The following ITPR3 variants were observed in gnomAD, a reference collection of about 807,000 sequenced individuals.
ITPR3 encodes inositol 1,4,5-trisphosphate receptor type 3, also known as inositol 1,4,5-trisphosphate-gated calcium channel ITPR3.
A neutral mutation model predicts 293.2 loss-of-function variants in ITPR3; 173 were observed. That is an observed-to-expected ratio of 0.59 (90% CI 0.52 to 0.67). ITPR3 has a LOEUF of 0.67. Ranked by LOEUF, ITPR3 falls within the 30% of genes least tolerant of loss-of-function variation. ITPR3 has a pLI of 0.00. For synonymous variants in ITPR3, 1,295 were observed against 1,444.4 expected, an observed-to-expected ratio of 0.90 and a Z score of 2.35; for missense variants, 2,796 against 3,592.1, an observed-to-expected ratio of 0.78 and a Z score of 5.66.
At chr6:33,661,038 C>A (rs1016792899) in intron 7 of ITPR3, among the ~76,000 whole-genome samples, 1 of 152,226 alleles carries the variant, frequency 6.6e-6, no homozygotes, top group Admixed American at 6.5e-5. Context: ...CGTCATGGCT[C>A]CGTGGTTCCA....
chr6:33,671,306 G>A lies in ITPR3; in HGVS notation c.2728G>A (p.Gly910Ser). Reference sequence around the variant, plus strand: ...GCTGCAGGCCTATGAGGACCCCGGTGGTGAGGCCTTTGCCCGGCTCGGGCC... The same window carrying A: ...GCTGCAGGCCTATGAGGACCCCGGTAGTGAGGCCTTTGCCCGGCTCGGGCC... ...AMLQAYEDPG[G>S]KNVRRSIQGV... The change falls in exon 21 of 58, where the codon GGC (glycine) becomes AGC (serine). Residue 910 changes from glycine (G) to serine (S), a missense_variant and splice_region_variant. Transcript: ENST00000605930. 1 of 1,610,664 alleles carries A rather than the reference G, an allele frequency of 6.2e-7. No individual in the cohort carries two copies. Among genetic ancestry groups the A allele is most frequent in the Non-Finnish European group, 8.5e-7 (1 of 1,178,450 alleles).
At chr6:33,695,167 C>T (rs1345596348) in intron 57 of ITPR3, 82 bp downstream of exon 57, 6 of 1,470,382 alleles carry the variant, frequency 4.1e-6, no homozygotes, top group South Asian at 3.7e-5. Context: ...TCCTGACCCA[C>T]CCTCTTCCCC....
intron 1 of ITPR3, among the ~76,000 whole-genome samples, chr6:33,622,305 G>A (rs1763457508): frequency 6.6e-6 from 1 of 152,128 alleles, no homozygotes; most frequent in Non-Finnish European, 1.5e-5. Flanking sequence ...GCGCCCTTGG[G>A]TCCTTGGTTC....
At chr6:33,678,250 C>T (rs1023801145) in intron 28 of ITPR3, among the ~76,000 whole-genome samples, 171 bp from the exon 29 acceptor site, 8 of 152,154 alleles carry the variant, frequency 5.3e-5, no homozygotes, top group South Asian at 4.1e-4. Context: ...ATTGAGCTCC[C>T]GCCCCTCACA....
intron 33 of ITPR3, among the ~76,000 whole-genome samples, chr6:33,681,667 C>T (rs1765080418): frequency 6.6e-6 from 1 of 152,050 alleles, no homozygotes; most frequent in Non-Finnish European, 1.5e-5. Context: ...TACCTAGGGG[C>T]ATAGGAGCTG....
chr6:33,659,919 T>C (rs1489980340), intron 7 of ITPR3, among the ~76,000 whole-genome samples: 1 of 152,180 alleles, frequency 6.6e-6, no homozygotes, highest in Non-Finnish European at 1.5e-5. Flanking sequence ...CCCCTTGCCC[T>C]GTGCCCTCAT....
chr6:33,627,436 C>T (rs1037438301), intron 1 of ITPR3, among the ~76,000 whole-genome samples: 1 of 152,224 alleles, frequency 6.6e-6, no homozygotes, highest in Non-Finnish European at 1.5e-5. Flanking sequence ...GCTGTATTTT[C>T]CCATGCCAAC....
rs2274195 is a variant in ITPR3 at position 33,678,551 on chromosome 6, T to C, written c.3771+8T>C. 1,238,715 of 1,593,552 alleles carry C rather than the reference T, an allele frequency of 0.78. 481,651 individuals are homozygous for C. Among genetic ancestry groups the C allele is most frequent in the East Asian group, 0.93 (41,400 of 44,418 alleles). On this transcript the variant is annotated splice_region_variant and intron_variant, in intron 29 of 57. Transcript: ENST00000605930. ...CTCTTCCTCACGCCAGGGGTGAGGGTGCAGGGCTGGGAGCACCTGGACGAG... is the reference window on the plus strand; with the variant it reads ...CTCTTCCTCACGCCAGGGGTGAGGGCGCAGGGCTGGGAGCACCTGGACGAG...
intron 20 of ITPR3, 89 bp from the exon 21 acceptor site, chr6:33,671,076 A>T: frequency 6.4e-7 from 1 of 1,565,412 alleles, no homozygotes. Context: ...CTTTCGCCCT[A>T]GTTTCCCCAG....
In ITPR3 at chr6:33,691,503, C is replaced by A; in HGVS notation, c.7226-112C>A. 2 of 856,518 alleles carry A rather than the reference C, an allele frequency of 2.3e-6. No individual in the cohort carries two copies. The highest frequency in any genetic ancestry group is 1.9e-6 in the Non-Finnish European group (1 of 537,128). The allele number at this position is 856,518 out of a possible 1,614,324, so 53.1% of individuals were successfully genotyped here. ...TTCACTGTGGCTGGACAGTGGAGGG[C>A]TGGCGATCCAGGACCAGGGAAGGTT... On this transcript the variant is annotated intron_variant, in intron 52 of 57. Coordinates refer to ENST00000605930, the MANE Select transcript of ITPR3 (RefSeq NM_002224.4). The surrounding 1 kb of genome is among the most constrained non-coding windows in gnomAD (Gnocchi z 4.9).
chr6:33,691,758 GA>G lies in ITPR3; in HGVS notation c.7330+40del, dbSNP rs369666127. The stretch of plus-strand genomic sequence containing the variant: ...GTGTGCAGGAGTCTGTGTGGGGTAG[GA>G]GGAGCAGGCAGCCCGGGCCTCAGCA... On this transcript the variant is annotated intron_variant, in intron 53 of 57. Transcript: ENST00000605930. The surrounding 1 kb of genome is among the most constrained non-coding windows in gnomAD (Gnocchi z 4.9). 136 of 1,608,294 alleles carry G rather than the reference GA, an allele frequency of 8.5e-5. 2 individuals carry two copies. The South Asian group carries it at 1.3e-3, about 16-fold the overall frequency.
In ITPR3 at chr6:33,683,991, T is replaced by C; in HGVS notation, c.4789-29T>C. 6.4e-7 allele frequency: 1 copy of C among 1,564,504 alleles called. No homozygotes were observed. ...TCACACCCGGGTCATTTCTTGGGCC[T>C]GGCAATGACTCTGCCCTGCCCACCC... On this transcript the variant is annotated intron_variant, in intron 35 of 57. Transcript: ENST00000605930. This position sits in a 1 kb window ranked among gnomAD's most constrained non-coding sequence, Gnocchi z 4.5.
chr6:33,685,494 C>G lies in ITPR3; in HGVS notation c.5443C>G (p.Pro1815Ala). The G allele has an allele frequency of 6.2e-7, 1 of 1,613,310 alleles. No homozygotes were observed. The highest frequency in any genetic ancestry group is 8.5e-7 in the Non-Finnish European group (1 of 1,179,772). The change falls in exon 40 of 58, where the codon CCA becomes GCA. Residue 1815 changes from proline (P) to alanine (A), a missense_variant. This residue lies in a region of ITPR3 where 704 missense variants were observed against 797.5 expected (regional missense o/e 0.88). Coordinates refer to ENST00000605930, the MANE Select transcript of ITPR3 (RefSeq NM_002224.4). ...AVNMNDLGSQ[P>A]HEDREPVDPT... is the part of the protein sequence containing the mutation. ...CAACATGAATGACCTGGGCAGCCAG[C>G]CACATGAGGACCGCGAGCCAGTCGA...
Position 33,664,799 on chromosome 6 carries a change from G to T in ITPR3, c.1149-71G>T. 7.4e-7 allele frequency: 1 copy of T among 1,355,938 alleles called. No homozygotes were observed. Among genetic ancestry groups the T allele is most frequent in the Non-Finnish European group, 1.0e-6 (1 of 962,384 alleles). The allele number at this position is 1,355,938 out of a possible 1,614,324, so 84.0% of individuals were successfully genotyped here. On this transcript the variant is annotated intron_variant, in intron 11 of 57. Coordinates refer to ENST00000605930, the MANE Select transcript of ITPR3 (RefSeq NM_002224.4). This position sits in a 1 kb window ranked among gnomAD's most constrained non-coding sequence, Gnocchi z 4.4. ...TGGCAGCTGTGGCAGTGTTGGGGAG[G>T]TAGGCCGGCAGGCAGCATGACGTGC... is the stretch of plus-strand genomic sequence containing the variant.
chr6:33,669,243 C>T, intron 18 of ITPR3, 87 bp downstream of exon 18: 1 of 1,352,972 alleles, frequency 7.4e-7, no homozygotes, highest in Non-Finnish European at 1.0e-6. Context: ...TGAGGATGAG[C>T]TCTGACAGCC....
Position 33,655,805 on chromosome 6 carries a change from C to T in ITPR3, c.200C>T (p.Ala67Val). Residue 67 changes from alanine (A) to valine (V), a missense_variant, in exon 3 of 58, where the codon GCC becomes GTC. This residue lies in a region of ITPR3 where 53 missense variants were observed against 45.7 expected (regional missense o/e 1.16). Coordinates refer to ENST00000605930, the MANE Select transcript of ITPR3 (RefSeq NM_002224.4). The surrounding 1 kb of genome is among the most constrained non-coding windows in gnomAD (Gnocchi z 4.9). ...FKVCPMNRYS[A>V]QKQYWKAKQT... Reference sequence around the variant, plus strand: ...GTGTGCCCCATGAACCGCTACTCGGCCCAGAAGCAGTACTGGAAGGCCAAG... The same window carrying T: ...GTGTGCCCCATGAACCGCTACTCGGTCCAGAAGCAGTACTGGAAGGCCAAG... 1.2e-6 allele frequency: 2 copies of T among 1,614,094 alleles called. No individual in the cohort carries two copies. Among genetic ancestry groups the T allele is most frequent in the Non-Finnish European group, 1.7e-6 (2 of 1,179,998 alleles).
At chr6:33,641,507 C>T (rs1763950672) in intron 2 of ITPR3, among the ~76,000 whole-genome samples, 1 of 152,144 alleles carries the variant, frequency 6.6e-6, no homozygotes, top group South Asian at 2.1e-4. Flanking sequence ...AGAGGGGCCC[C>T]CTGTCTGCAA....
At chr6:33,623,881 A>T (rs1035815581) in intron 1 of ITPR3, among the ~76,000 whole-genome samples, 1 of 152,100 alleles carries the variant, frequency 6.6e-6, no homozygotes, top group Non-Finnish European at 1.5e-5. Flanking sequence ...CCACCAGCGG[A>T]TGTCCACCCT....
At position 33,658,338 on chromosome 6, in the gene ITPR3, G is replaced by A. The variant is rs565707287; in HGVS notation, c.369+320G>A. Among the ~76,000 whole-genome samples, 24 of 151,974 alleles carry A rather than the reference G, an allele frequency of 1.6e-4. No individual in the cohort carries two copies. Among genetic ancestry groups the A allele is most frequent in the African/African-American group, 5.8e-4 (24 of 41,256 alleles). The stretch of plus-strand genomic sequence containing the variant: ...TGGGCAAGTTACCTAACGTCCCCTG[G>A]CGCCTTGGTTTCCCCATCTGTGAAA... On this transcript the variant is annotated intron_variant, in intron 4 of 57. Transcript: ENST00000605930. This position sits in a 1 kb window ranked among gnomAD's most constrained non-coding sequence, Gnocchi z 6.1.
Sources: gnomAD v4.1 joint callset for allele counts (sites outside exome capture counted in the v4.1 genomes callset) on GRCh38, gnomAD v4.1.1 for gene constraint, gnomAD v4.1.1 regional missense constraint, Gnocchi (gnomAD v3.1) non-coding constraint, MANE v1.5 for transcripts, NCBI Gene and HGNC (gene_info 2026-07-23, HGNC 2026-07-21) for gene names.